The following AMER1 variants were observed in gnomAD, a reference collection of about 807,000 sequenced individuals.
The protein encoded by AMER1 is APC membrane recruitment protein 1, also known as RP11-403E24.2.
AMER1 carries 16 observed loss-of-function variants against 53.0 expected under a neutral mutation model. The observed-to-expected ratio is 0.30, with a 90% CI of 0.20 to 0.46. The LOEUF (loss-of-function observed/expected upper bound fraction) is 0.46. Among genes scored for constraint, AMER1 ranks in the 20% least tolerant of loss-of-function variants. The probability of loss-of-function intolerance (pLI) is 1.00; values close to 1 mark genes in which losing one functional copy is unlikely to be tolerated. For synonymous variants in AMER1, 354 were observed against 331.9 expected, an observed-to-expected ratio of 1.07 and a Z score of -0.73; for missense variants, 947 against 884.9, an observed-to-expected ratio of 1.07 and a Z score of -0.89.
chrX:64,190,265 G>T lies in AMER1; in HGVS notation c.3022C>A (p.Pro1008Thr), dbSNP rs995009774. The change falls in exon 2 of 2, where the codon CCA becomes ACA. Residue 1008 changes from proline (P) to threonine (T), a missense_variant. Physicochemically the swap from Pro to Thr is conservative, Grantham distance 38. Transcript: ENST00000374869. ...GATTCCCCAGGTGCCCTTGACTCTGGCACTGATAGTGATATTGACATGGTC... is the reference window on the plus strand; with the variant it reads ...GATTCCCCAGGTGCCCTTGACTCTGTCACTGATAGTGATATTGACATGGTC... ...PMTMSISLSVPESRAPGESGP... is the reference protein window; with the variant it reads ...PMTMSISLSVTESRAPGESGP... The T allele has an allele frequency of 8.3e-7, 1 of 1,211,970 alleles. No individual in the cohort carries two copies. Among genetic ancestry groups the T allele is most frequent in the Non-Finnish European group, 1.1e-6 (1 of 895,573 alleles).
chrX:64,192,741 G>C lies in AMER1; in HGVS notation c.546C>G (p.Ser182Arg), dbSNP rs1355482200. The C allele has an allele frequency of 8.3e-7, 1 of 1,202,744 alleles. No homozygotes were observed. Among genetic ancestry groups the C allele is most frequent in the Non-Finnish European group, 1.1e-6 (1 of 891,103 alleles). The change falls in exon 2 of 2, where the codon AGC becomes AGG. Residue 182 changes from serine (S) to arginine (R), a missense_variant. Coordinates refer to ENST00000374869, the MANE Select transcript of AMER1 (RefSeq NM_152424.4). ...CACTTTGCTCAGCCCCAGTGACCTT[G>C]CTCTTCCGGTGACGGCGGATACTGC... The part of the protein sequence containing the change: ...FFSSIRRHRK[S>R]KVTGAEQSEP...
Position 64,189,176 on chromosome X carries a change from A to G in AMER1, c.*703T>C. 1.2e-6 allele frequency: 1 copy of G among 800,942 alleles called. No individual in the cohort carries two copies. The highest frequency in any genetic ancestry group is 1.5e-6 in the Non-Finnish European group (1 of 667,917). The allele number at this position is 800,942 out of a possible 1,213,427, so 66.0% of individuals were successfully genotyped here. A position where few individuals can be genotyped will look rare whatever the true frequency, so the allele number is the denominator to read the frequency against. ...AAAGTCCACAGCGATAGGCTGTGAG[A>G]CACACGCTACTTGATCCTCTCTAAG... is the stretch of plus-strand genomic sequence containing the variant. On this transcript the variant is annotated 3_prime_UTR_variant, in exon 2 of 2. Transcript: ENST00000374869.
rs191332091 is a variant in AMER1, at chrX:64,203,359, G to T, written c.-99+2211C>A. 3.8e-3 allele frequency among the ~76,000 whole-genome samples: 427 copies of T among 111,711 alleles called. 1 individual carries two copies. The highest frequency in any genetic ancestry group is 0.013 in the African/African-American group (411 of 30,722). On this transcript the variant is annotated intron_variant, in intron 1 of 1. Coordinates refer to ENST00000374869, the MANE Select transcript of AMER1 (RefSeq NM_152424.4). ...AATCAGGACAAGCGCAAGTTGGAAA[G>T]GTAAAGGTCTTCTGGAAAACTCTAC... is the stretch of plus-strand genomic sequence containing the variant.
chrX:64,189,793 A>ACGGGGGGGGC lies in AMER1; in HGVS notation c.*85_*86insGCCCCCCCCG. The ACGGGGGGGGC allele has an allele frequency of 1.0e-5, 3 of 292,063 alleles. No individual in the cohort carries two copies. The highest frequency in any genetic ancestry group is 1.5e-5 in the Non-Finnish European group (3 of 204,821). The allele number at this position is 292,063 out of a possible 1,213,427, so 24.1% of individuals were successfully genotyped here. ...CAAAGGGTTTTCAAGTTAAACAACA[A>ACGGGGGGGGC]CCCCCACCCCCCCACCCTTCTGCCC... On this transcript the variant is annotated 3_prime_UTR_variant, in exon 2 of 2. Transcript: ENST00000374869.
At position 64,190,623 on chromosome X, in the gene AMER1, G is replaced by C. The variant is rs1298057337; in HGVS notation, c.2664C>G (p.Ala888=). ...LHPRPPPAAM[A]LNRRSRSLDT... ...CGAGAGAGCGGCTTCTCCTGTTGAG[G>C]GCCATAGCAGCAGGTGGAGGTCGAG... The change falls in exon 2 of 2, where the codon GCC becomes GCG. Residue 888 remains alanine (A), a synonymous_variant. Coordinates refer to ENST00000374869, the MANE Select transcript of AMER1 (RefSeq NM_152424.4). 9.1e-6 allele frequency: 11 copies of C among 1,210,389 alleles called. No individual in the cohort carries two copies. Among genetic ancestry groups the C allele is most frequent in the Non-Finnish European group, 1.2e-5 (11 of 895,317 alleles).
chrX:64,191,035 G>T lies in AMER1; in HGVS notation c.2252C>A (p.Pro751His). 1 of 1,212,057 alleles carries T rather than the reference G, an allele frequency of 8.3e-7. No individual in the cohort carries two copies. The highest frequency in any genetic ancestry group is 1.1e-6 in the Non-Finnish European group (1 of 895,583). The change falls in exon 2 of 2, where the codon CCT (proline) becomes CAT (histidine). Residue 751 changes from proline to histidine, a missense_variant. Pro to His is a moderately conservative substitution (Grantham distance 77, BLOSUM62 -2). Coordinates refer to ENST00000374869, the MANE Select transcript of AMER1 (RefSeq NM_152424.4). ...PRRAYPTYSP[P>H]EDPEEEEVEK... ...AACCTCCTCTTCCTCTGGATCTTCA[G>T]GGGGTGAATAAGTAGGGTAGGCCCT...
intron 1 of AMER1, among the ~76,000 whole-genome samples, chrX:64,200,869 AG>A (rs1480555440): frequency 9.0e-6 from 1 of 111,390 alleles, no homozygotes; most frequent in East Asian, 2.8e-4. Flanking sequence ...TCCAGAAAGG[AG>A]GGGGGCCAGA....
Position 64,192,417 on chromosome X carries a change from C to T in AMER1, c.870G>A (p.Gly290=), listed in dbSNP as rs762380172. 5.8e-6 allele frequency: 7 copies of T among 1,210,026 alleles called. No individual in the cohort carries two copies. In the Admixed American group the frequency reaches 1.3e-4, roughly 23 times the overall value. ...TTACCTCTCCTGCTACTACCTTCTC[C>T]CCTGTTTCTGGGCTATGGGGCTCCT... The part of the protein sequence containing the change: ...SLEEPHSPET[G]EKVVAGEVNP... Residue 290 remains glycine (G), a synonymous_variant, in exon 2 of 2, where the codon GGG becomes GGA. Coordinates refer to ENST00000374869, the MANE Select transcript of AMER1 (RefSeq NM_152424.4).
chrX:64,192,071 A>T lies in AMER1; in HGVS notation c.1216T>A (p.Leu406Ile), dbSNP rs2147088844. ...TGGGCAGTTTCCCACAGATATTCTA[A>T]GTCATCATCTTCTTCCTCCTCCTTA... ...EVKEEEEDDDLEYLWETAQMY... is the reference protein window; with the variant it reads ...EVKEEEEDDDIEYLWETAQMY... Residue 406 changes from leucine (L) to isoleucine (I), a missense_variant, in exon 2 of 2, where the codon TTA (leucine) becomes ATA (isoleucine). Leu to Ile is a conservative substitution (Grantham distance 5). Transcript: ENST00000374869. 8.3e-7 allele frequency: 1 copy of T among 1,211,542 alleles called. No homozygotes were observed. The highest frequency in any genetic ancestry group is 1.1e-6 in the Non-Finnish European group (1 of 895,423).
Position 64,189,581 on chromosome X carries a change from T to C in AMER1, c.*298A>G, listed in dbSNP as rs1930193912. ...ATAATCACTAACTTGGCAACTGGAA[T>C]AGGCACAAAATTACAGCATCCCAAA... On this transcript the variant is annotated 3_prime_UTR_variant, in exon 2 of 2. Transcript: ENST00000374869. 1.3e-6 allele frequency: 1 copy of C among 783,233 alleles called. No homozygotes were observed. The highest frequency in any genetic ancestry group is 2.5e-5 in the African/African-American group (1 of 40,355). 64.5% of individuals were successfully genotyped at this position (783,233 alleles called of 1,213,427 possible). A position where few individuals can be genotyped will look rare whatever the true frequency, so the allele number is the denominator to read the frequency against.
At chrX:64,198,068 G>C (rs1323852002) in intron 1 of AMER1, among the ~76,000 whole-genome samples, 1 of 111,870 alleles carries the variant, frequency 8.9e-6, no homozygotes, top group Non-Finnish European at 1.9e-5. Context: ...AAACCTCCTT[G>C]GGGCTCAGTT....
rs1335900469 is a variant in AMER1 at position 64,186,027 on chromosome X, C to T, written c.*3852G>A. ...AACATAACGAGGAAAAAAAATAAGACACATGAGTACTCTCAGAGGGTCTAG... is the reference window on the plus strand; with the variant it reads ...AACATAACGAGGAAAAAAAATAAGATACATGAGTACTCTCAGAGGGTCTAG... On this transcript the variant is annotated 3_prime_UTR_variant, in exon 2 of 2. Coordinates refer to ENST00000374869, the MANE Select transcript of AMER1 (RefSeq NM_152424.4). The T allele has an allele frequency of 1.8e-5, 15 of 832,141 alleles. No individual in the cohort carries two copies. The highest frequency in any genetic ancestry group is 2.8e-5 in the Admixed American group (1 of 35,977). 68.6% of individuals were successfully genotyped at this position (832,141 alleles called of 1,213,427 possible).
rs771682818 is a variant in AMER1, at chrX:64,191,102, C to G, written c.2185G>C (p.Glu729Gln). Residue 729 changes from glutamate to glutamine, a missense_variant, in exon 2 of 2, where the codon GAG becomes CAG. Physicochemically the swap from Glu to Gln is conservative, Grantham distance 29. Coordinates refer to ENST00000374869, the MANE Select transcript of AMER1 (RefSeq NM_152424.4). ...AAATTTGCTTCTTGCATGTCTGGCT[C>G]AAACATGGCATCACTCTGGAAGAGC... The part of the protein sequence containing the change: ...MQLFQSDAMF[E>Q]PDMQEANFGG... 30 of 1,212,142 alleles carry G rather than the reference C, an allele frequency of 2.5e-5. No individual in the cohort carries two copies. The Admixed American group carries it at 4.1e-4, about 17-fold the overall frequency.
chrX:64,189,793 A>ACCGGG lies in AMER1; in HGVS notation c.*85_*86insCCCGG. 11 of 292,024 alleles carry ACCGGG rather than the reference A, an allele frequency of 3.8e-5. No individual in the cohort carries two copies. The highest frequency in any genetic ancestry group is 4.4e-5 in the Non-Finnish European group (9 of 204,784). The allele number at this position is 292,024 out of a possible 1,213,427, so 24.1% of individuals were successfully genotyped here. A position where few individuals can be genotyped will look rare whatever the true frequency, so the allele number is the denominator to read the frequency against. Reference sequence around the variant, plus strand: ...CAAAGGGTTTTCAAGTTAAACAACAACCCCCACCCCCCCACCCTTCTGCCC... The same window carrying ACCGGG: ...CAAAGGGTTTTCAAGTTAAACAACAACCGGGCCCCCACCCCCCCACCCTTCTGCCC... On this transcript the variant is annotated 3_prime_UTR_variant, in exon 2 of 2. Transcript: ENST00000374869.
In AMER1 at chrX:64,189,037, G is replaced by A. The variant is rs1038961341; in HGVS notation, c.*842C>T. 3.2e-5 allele frequency: 26 copies of A among 802,415 alleles called. No homozygotes were observed. The African/African-American group carries it at 4.9e-4, about 15-fold the overall frequency. The allele number at this position is 802,415 out of a possible 1,213,427, so 66.1% of individuals were successfully genotyped here. A position where few individuals can be genotyped will look rare whatever the true frequency, so the allele number is the denominator to read the frequency against. On this transcript the variant is annotated 3_prime_UTR_variant, in exon 2 of 2. Transcript: ENST00000374869. ...AGTGTCCACAACAGAACCTTGTTTT[G>A]TCTTCTGTTTGCAAATGGATGAATT...
Position 64,186,337 on chromosome X carries a change from G to A in AMER1, c.*3542C>T, listed in dbSNP as rs747419062. The A allele has an allele frequency of 2.3e-4, 222 of 960,552 alleles. No individual in the cohort carries two copies. In the Middle Eastern group the frequency reaches 3.8e-3, roughly 16 times the overall value. 79.2% of individuals were successfully genotyped at this position (960,552 alleles called of 1,213,427 possible). A position where few individuals can be genotyped will look rare whatever the true frequency, so the allele number is the denominator to read the frequency against. The stretch of plus-strand genomic sequence containing the variant: ...TTTGTTTAAAACTGTAAACAGCACC[G>A]CTTAAAAATAAATCAGAAAAGAACA... On this transcript the variant is annotated 3_prime_UTR_variant, in exon 2 of 2. Coordinates refer to ENST00000374869, the MANE Select transcript of AMER1 (RefSeq NM_152424.4).
In AMER1 at chrX:64,192,553, G is replaced by T. The variant is rs1050642982; in HGVS notation, c.734C>A (p.Pro245His). The stretch of plus-strand genomic sequence containing the variant: ...CATTTTCTCAGTAGCTGGTGGAGAA[G>T]GTTCTGGTGTTGGAGAAACTTTTGG... Reference protein sequence around the residue: ...PGPKVSPTPEPSPPATEKMAC... With the variant: ...PGPKVSPTPEHSPPATEKMAC... The change falls in exon 2 of 2, where the codon CCT becomes CAT. Residue 245 changes from proline (P) to histidine (H), a missense_variant. Transcript: ENST00000374869. 2.5e-6 allele frequency: 3 copies of T among 1,203,360 alleles called. No homozygotes were observed. Among genetic ancestry groups the T allele is most frequent in the Admixed American group, 4.5e-5 (2 of 44,205 alleles).
At chrX:64,203,949 G>C (rs1305115802) in intron 1 of AMER1, among the ~76,000 whole-genome samples, 1 of 111,864 alleles carries the variant, frequency 8.9e-6, no homozygotes, top group African/African-American at 3.3e-5. Flanking sequence ...CTTCCCCCAA[G>C]TGAGGAATTT....
chrX:64,194,200 C>T (rs1930318110), intron 1 of AMER1, among the ~76,000 whole-genome samples: 1 of 111,457 alleles, frequency 9.0e-6, no homozygotes, highest in Non-Finnish European at 1.9e-5. Flanking sequence ...TACTTTAATG[C>T]GGTCATCAAT....
Sources: gnomAD v4.1 joint callset for allele counts (sites outside exome capture counted in the v4.1 genomes callset) on GRCh38, gnomAD v4.1.1 for gene constraint, MANE v1.5 for transcripts, NCBI Gene and HGNC (gene_info 2026-07-23, HGNC 2026-07-21) for gene names.